The following TAFA2 variants were observed in gnomAD, a reference collection of about 807,000 sequenced individuals.
TAFA2 encodes chemokine-like protein TAFA-2.
TAFA2 carries 7 observed loss-of-function variants against 18.8 expected under a neutral mutation model. That is an observed-to-expected ratio of 0.37 (90% CI 0.21 to 0.70). The LOEUF is 0.70. Among genes scored for constraint, TAFA2 ranks in the 30% least tolerant of loss-of-function variants. The probability of loss-of-function intolerance (pLI) is 0.53; values close to 1 mark genes in which losing one functional copy is unlikely to be tolerated. For synonymous variants in TAFA2, 60 were observed against 54.2 expected (o/e 1.11, Z -0.47); for missense variants, 122 against 158.1 (o/e 0.77, Z 1.23).
chr12:62,072,236 G>A (rs903926851), intron 1 of TAFA2, among the ~76,000 whole-genome samples: 3 of 152,014 alleles, frequency 2.0e-5, no homozygotes, highest in East Asian at 1.9e-4. Flanking sequence ...AGGCCGAGGC[G>A]GGCGGATCAC....
intron 1 of TAFA2, among the ~76,000 whole-genome samples, chr12:61,932,105 G>A (rs1877579575): frequency 6.6e-6 from 1 of 152,034 alleles, no homozygotes; most frequent in Admixed American, 6.6e-5. Context: ...CTAAAATAAT[G>A]TATATTACTA....
At chr12:62,113,122 T>C (rs1869807247) in intron 1 of TAFA2, among the ~76,000 whole-genome samples, 1 of 152,328 alleles carries the variant, frequency 6.6e-6, no homozygotes, top group Middle Eastern at 3.4e-3. Flanking sequence ...GGTGAATTTA[T>C]ATACCTTTGT....
intron 1 of TAFA2, among the ~76,000 whole-genome samples, chr12:61,883,680 A>G (rs992461532): frequency 2.0e-5 from 3 of 152,226 alleles, no homozygotes; most frequent in Admixed American, 2.0e-4. Context: ...AGGTGACTTC[A>G]TGAAATTTTG....
rs544870721 is a variant in TAFA2, at chr12:61,781,327, G to T, written c.107-26303C>A. ...GGATTTACCACTTTGCCTAGGTTCT[G>T]CCTCATCTACCTCCAACTGGGCTAA... On this transcript the variant is annotated intron_variant, in intron 2 of 4. Transcript: ENST00000416284. Among the ~76,000 whole-genome samples, 3 of 151,850 alleles carry T rather than the reference G, an allele frequency of 2.0e-5. No homozygotes were observed. The South Asian group carries it at 6.2e-4, about 32-fold the overall frequency.
chr12:62,058,197 TG>T (rs1321324834), intron 1 of TAFA2, among the ~76,000 whole-genome samples: 6 of 152,200 alleles, frequency 3.9e-5, no homozygotes, highest in Admixed American at 3.3e-4. Context: ...GTCTTTACTG[TG>T]GAGCTGATTA....
rs149941886 is a variant in TAFA2, at chr12:62,161,247, C to T, written c.-2+30012G>A. Among the ~76,000 whole-genome samples the T allele has an allele frequency of 1.6e-3, 237 of 152,266 alleles. 1 individual carries two copies. The highest frequency in any genetic ancestry group is 5.5e-3 in the African/African-American group (230 of 41,558). ...AAGAAATCAATATATCAAAAAGATA[C>T]TCACACTCATTTTTATCACATCACT... is the stretch of plus-strand genomic sequence containing the variant. On this transcript the variant is annotated intron_variant, in intron 1 of 4. Coordinates refer to ENST00000416284, the MANE Select transcript of TAFA2 (RefSeq NM_178539.5).
chr12:62,180,892 G>A (rs1288674818), intron 1 of TAFA2, among the ~76,000 whole-genome samples: 1 of 152,162 alleles, frequency 6.6e-6, no homozygotes. Flanking sequence ...TAATGAATGA[G>A]TCAAGTTACT....
Position 61,861,260 on chromosome 12 carries a change from T to TC in TAFA2, c.106+6059_106+6060insG, listed in dbSNP as rs1319693908. The stretch of plus-strand genomic sequence containing the variant: ...GGCCACTGTGCCTGGCCTCGCCTTT[T>TC]TTTTTTTTTTTTTTTTTAAGAGAAA... On this transcript the variant is annotated intron_variant, in intron 2 of 4. Coordinates refer to ENST00000416284, the MANE Select transcript of TAFA2 (RefSeq NM_178539.5). Among the ~76,000 whole-genome samples the TC allele has an allele frequency of 2.5e-3, 373 of 149,176 alleles. 1 individual carries two copies. Among genetic ancestry groups the TC allele is most frequent in the African/African-American group, 8.5e-3 (345 of 40,684 alleles).
chr12:61,877,287 C>T (rs1452062374), intron 1 of TAFA2, among the ~76,000 whole-genome samples: 2 of 152,186 alleles, frequency 1.3e-5, no homozygotes, highest in Non-Finnish European at 2.9e-5. Flanking sequence ...ATACACACTA[C>T]TCTAACTTCT....
chr12:61,970,670 T>C (rs1015140320), intron 1 of TAFA2, among the ~76,000 whole-genome samples: 4 of 151,554 alleles, frequency 2.6e-5, no homozygotes, highest in African/African-American at 9.7e-5. Context: ...TGTTTTTAGA[T>C]AATTGACTAG....
At chr12:61,921,023 G>C (rs952158721) in intron 1 of TAFA2, among the ~76,000 whole-genome samples, 8 of 152,148 alleles carry the variant, frequency 5.3e-5, no homozygotes, top group African/African-American at 1.7e-4. Context: ...TCAGAGGCCA[G>C]TGTGGCTGGA....
chr12:62,125,583 G>A (rs767811674), intron 1 of TAFA2, among the ~76,000 whole-genome samples: 2 of 152,090 alleles, frequency 1.3e-5, no homozygotes, highest in Non-Finnish European at 2.9e-5. Flanking sequence ...CACTGAACCT[G>A]TTAATAGGGC....
intron 1 of TAFA2, among the ~76,000 whole-genome samples, chr12:61,978,205 A>T (rs1879505414): frequency 6.6e-6 from 1 of 152,062 alleles, no homozygotes; most frequent in South Asian, 2.1e-4. Flanking sequence ...TATACAAAAT[A>T]CTAAGTCTAC....
At chr12:62,014,448 G>A (rs969195319) in intron 1 of TAFA2, among the ~76,000 whole-genome samples, 7 of 152,058 alleles carry the variant, frequency 4.6e-5, no homozygotes, top group African/African-American at 1.4e-4. Flanking sequence ...GGGCAACATG[G>A]TTAAGCCCCA....
At chr12:61,987,487 G>C (rs1447041039) in intron 1 of TAFA2, among the ~76,000 whole-genome samples, 1 of 152,130 alleles carries the variant, frequency 6.6e-6, no homozygotes, top group Non-Finnish European at 1.5e-5. Flanking sequence ...TGTACAATTT[G>C]TGTTTTCCCT....
chr12:61,894,121 C>T (rs1426212148), intron 1 of TAFA2, among the ~76,000 whole-genome samples: 2 of 152,082 alleles, frequency 1.3e-5, no homozygotes, highest in Non-Finnish European at 2.9e-5. Flanking sequence ...ACCTTCACTG[C>T]TTTTGAATAG....
At chr12:61,877,237 T>A (rs1006885167) in intron 1 of TAFA2, among the ~76,000 whole-genome samples, 7 of 152,106 alleles carry the variant, frequency 4.6e-5, no homozygotes, top group Non-Finnish European at 1.0e-4. Flanking sequence ...AGAATCTCAC[T>A]TTTTTACTCT....
rs1282585145 is a variant in TAFA2 at position 61,833,959 on chromosome 12, A to C, written c.106+33361T>G. ...TAGAGCCTGGAGATGCTCTATTATT[A>C]GTAAATTTCCTGCATGGTTCAAGCC... On this transcript the variant is annotated intron_variant, in intron 2 of 4. Transcript: ENST00000416284. Among the ~76,000 whole-genome samples, 4 of 152,196 alleles carry C rather than the reference A, an allele frequency of 2.6e-5. No homozygotes were observed. The East Asian group carries it at 7.8e-4, about 30-fold the overall frequency.
intron 1 of TAFA2, among the ~76,000 whole-genome samples, chr12:61,892,373 A>C (rs1875674252): frequency 6.6e-6 from 1 of 152,200 alleles, no homozygotes; most frequent in Admixed American, 6.5e-5. Flanking sequence ...AGGGAGAATT[A>C]ACTTCTAGAG....
Sources: gnomAD v4.1 joint callset for allele counts (sites outside exome capture counted in the v4.1 genomes callset) on GRCh38, gnomAD v4.1.1 for gene constraint, MANE v1.5 for transcripts, NCBI Gene and HGNC (gene_info 2026-07-23, HGNC 2026-07-21) for gene names.